The following CRBN variants were observed in gnomAD, a reference collection of about 807,000 sequenced individuals.
CRBN encodes cereblon.
A neutral mutation model predicts 62.2 loss-of-function variants in CRBN; 53 were observed. That is an observed-to-expected ratio of 0.85 (90% CI 0.68 to 1.07). CRBN has a LOEUF of 1.07. Ranked by LOEUF, CRBN falls within the 50% of genes least tolerant of loss-of-function variation. The pLI is 0.00. For missense variants in CRBN, 616 were observed against 531.1 expected (o/e 1.16, Z -1.57); for synonymous variants, 208 against 176.1 (o/e 1.18, Z -1.43).
chr3:3,179,656 G>A lies in CRBN; in HGVS notation c.32C>T (p.Ala11Val), dbSNP rs866123640. Reference protein sequence around the residue: MAGEGDQQDAAHNMGNHLPLL... With the variant: MAGEGDQQDAVHNMGNHLPLL... ...CGGCAGGTGGTTGCCCATGTTGTGC[G>A]CAGCGTCCTGCTGATCTCCTTCGCC... The change falls in exon 1 of 11, where the codon GCG becomes GTG. Residue 11 changes from alanine to valine, a missense_variant. Physicochemically the swap from Ala to Val is moderately conservative, Grantham distance 64 (BLOSUM62 0). Coordinates refer to ENST00000231948, the MANE Select transcript of CRBN (RefSeq NM_016302.4). The A allele has an allele frequency of 1.2e-6, 2 of 1,613,004 alleles. No homozygotes were observed. The highest frequency in any genetic ancestry group is 1.3e-5 in the African/African-American group (1 of 74,918).
intron 1 of CRBN, among the ~76,000 whole-genome samples, chr3:3,178,733 ATT>A (rs1446711960): frequency 1.3e-5 from 2 of 152,140 alleles, no homozygotes; most frequent in Non-Finnish European, 2.9e-5. Context: ...CAATTATCAG[ATT>A]GTGTATTACC....
intron 5 of CRBN, among the ~76,000 whole-genome samples, chr3:3,162,040 A>G (rs1469732496): frequency 6.6e-6 from 1 of 152,232 alleles, no homozygotes; most frequent in East Asian, 1.9e-4. Context: ...ATTACGTATG[A>G]GACCCCTGCC....
At chr3:3,175,801 C>A (rs896786895) in intron 1 of CRBN, among the ~76,000 whole-genome samples, 2 of 152,136 alleles carry the variant, frequency 1.3e-5, no homozygotes, top group African/African-American at 4.8e-5. Context: ...TATCCCTCAA[C>A]TGGGTTTTGT....
Position 3,174,065 on chromosome 3 carries a change from G to T in CRBN, c.371C>A (p.Ala124Glu). ...IQKDRTFAVLAYSNVQEREAQ... is the reference protein window; with the variant it reads ...IQKDRTFAVLEYSNVQEREAQ... ...ATGGACTCTAATATTTTACCTGTAT[G>T]CAAGAACAGCAAAGGTTCTATCTTT... The change falls in exon 3 of 11, where the codon GCA becomes GAA. Residue 124 changes from alanine (A) to glutamate (E), a missense_variant. By Grantham distance (107) the Ala-to-Glu change is moderately radical. Transcript: ENST00000231948. The T allele has an allele frequency of 6.2e-7, 1 of 1,613,562 alleles. No individual in the cohort carries two copies. The highest frequency in any genetic ancestry group is 8.5e-7 in the Non-Finnish European group (1 of 1,179,522).
At chr3:3,159,544 C>T (rs1707051348) in intron 5 of CRBN, among the ~76,000 whole-genome samples, 1 of 152,216 alleles carries the variant, frequency 6.6e-6, no homozygotes, top group Admixed American at 6.5e-5. Context: ...ATGTGGCACA[C>T]TAGCATATTA....
rs1707990695 is a variant in CRBN at position 3,179,650 on chromosome 3, T to G, written c.38A>C (p.Asn13Thr). 1 of 1,613,250 alleles carries G rather than the reference T, an allele frequency of 6.2e-7. No homozygotes were observed. Among genetic ancestry groups the G allele is most frequent in the Non-Finnish European group, 8.5e-7 (1 of 1,179,650 alleles). ...CAGGAGCGGCAGGTGGTTGCCCATGTTGTGCGCAGCGTCCTGCTGATCTCC... is the reference window on the plus strand; with the variant it reads ...CAGGAGCGGCAGGTGGTTGCCCATGGTGTGCGCAGCGTCCTGCTGATCTCC... ...GEGDQQDAAH[N>T]MGNHLPLLPA... The change falls in exon 1 of 11, where the codon AAC (asparagine) becomes ACC (threonine). Residue 13 changes from asparagine (N) to threonine (T), a missense_variant. Coordinates refer to ENST00000231948, the MANE Select transcript of CRBN (RefSeq NM_016302.4).
rs1454979743 is a variant in CRBN at position 3,154,013 on chromosome 3, TAAG to T, written c.895_897del (p.Leu299del). 2 of 1,613,820 alleles carry T rather than the reference TAAG, an allele frequency of 1.2e-6. No homozygotes were observed. The highest frequency in any genetic ancestry group is 1.3e-5 in the African/African-American group (1 of 75,036). Reference sequence around the variant, plus strand: ...AGTCGCTGGATAGCACTGCCAATTTTAAGGAGCTGAATTCTCAATACATCATCA... The same window carrying T: ...AGTCGCTGGATAGCACTGCCAATTTTGAGCTGAATTCTCAATACATCATCA... On this transcript the variant is annotated inframe_deletion, in exon 8 of 11. Coordinates refer to ENST00000231948, the MANE Select transcript of CRBN (RefSeq NM_016302.4).
At chr3:3,153,533 T>A in intron 8 of CRBN, 45 bp from the exon 9 acceptor site, 1 of 1,040,242 alleles carries the variant, frequency 9.6e-7, no homozygotes, top group Non-Finnish European at 1.5e-6. Context: ...AAACTGGCAT[T>A]CACTTTATCA....
At position 3,174,221 on chromosome 3, in the gene CRBN, A is replaced by T; in HGVS notation, c.215T>A (p.Leu72Ter). ...CACCTGACAGCTGTCGTCATCGTGC[A>T]AAGTCCTGCCATGAAATTCTTCCAT... Reference protein sequence around the residue: ...ADMEEFHGRTLHDDDSCQVIP... With the variant: ...ADMEEFHGRT The change falls in exon 3 of 11, where the codon TTG becomes TAG. Residue 72 changes from leucine (L) to a stop codon, truncating the protein, a stop_gained. Coordinates refer to ENST00000231948, the MANE Select transcript of CRBN (RefSeq NM_016302.4). LOFTEE classifies it high-confidence loss of function. 3 of 1,614,212 alleles carry T rather than the reference A, an allele frequency of 1.9e-6. No individual in the cohort carries two copies. The highest frequency in any genetic ancestry group is 2.5e-6 in the Non-Finnish European group (3 of 1,180,026).
At chr3:3,174,346 T>A in intron 2 of CRBN, 85 bp from the exon 3 acceptor site, 1 of 1,104,566 alleles carries the variant, frequency 9.1e-7, no homozygotes. Flanking sequence ...CAAATCACAT[T>A]AAAAGAAATA....
intron 9 of CRBN, among the ~76,000 whole-genome samples, 185 bp from the exon 10 acceptor site, chr3:3,152,772 C>A (rs1296706483): frequency 1.3e-5 from 2 of 152,074 alleles, no homozygotes; most frequent in Non-Finnish European, 2.9e-5. Context: ...GGCAGACAGG[C>A]CTGTTTTGTC....
intron 1 of CRBN, among the ~76,000 whole-genome samples, chr3:3,177,186 C>T (rs1367931971): frequency 2.0e-5 from 3 of 152,234 alleles, no homozygotes; most frequent in African/African-American, 7.2e-5. Flanking sequence ...ATTACTGAAT[C>T]TCATTTCTCA....
intron 10 of CRBN, among the ~76,000 whole-genome samples, chr3:3,151,863 A>G (rs1706580842): frequency 6.6e-6 from 1 of 152,218 alleles, no homozygotes; most frequent in African/African-American, 2.4e-5. Context: ...GAAAAGCAGG[A>G]TTCAATGGGT....
chr3:3,172,680 T>A (rs746366081), intron 4 of CRBN, 96 bp downstream of exon 4: 2 of 1,320,702 alleles, frequency 1.5e-6, no homozygotes, highest in Non-Finnish European at 2.2e-6. Flanking sequence ...AGTTAAAAGT[T>A]ACAAAATATG....
chr3:3,173,206 T>C (rs796296019), intron 3 of CRBN, among the ~76,000 whole-genome samples: 26 of 152,154 alleles, frequency 1.7e-4, no homozygotes, highest in African/African-American at 6.0e-4. Context: ...TACAGGCACA[T>C]ACCACCACGC....
chr3:3,153,129 C>A, intron 9 of CRBN: 1 of 358,080 alleles, frequency 2.8e-6, no homozygotes, highest in Non-Finnish European at 5.2e-6. Flanking sequence ...TATGTTAGGG[C>A]CTAATTGAAG....
At chr3:3,161,305 T>C (rs1707130658) in intron 5 of CRBN, among the ~76,000 whole-genome samples, 1 of 152,202 alleles carries the variant, frequency 6.6e-6, no homozygotes, top group Non-Finnish European at 1.5e-5. Context: ...AAACTGCTCT[T>C]ACAACAAAAT....
intron 7 of CRBN, 40 bp from the exon 8 acceptor site, chr3:3,154,115 A>AGAT: frequency 1.7e-6 from 2 of 1,181,846 alleles, no homozygotes; most frequent in East Asian, 4.7e-5. Context: ...CTTAGGAGTC[A>AGAT]GATAAGCATC....
At chr3:3,151,894 CA>C (rs1706583229) in intron 10 of CRBN, among the ~76,000 whole-genome samples, 1 of 152,182 alleles carries the variant, frequency 6.6e-6, no homozygotes, top group Non-Finnish European at 1.5e-5. Context: ...CTTAGTCTAT[CA>C]TTGCTTTGTA....
Sources: gnomAD v4.1 joint callset for allele counts (sites outside exome capture counted in the v4.1 genomes callset) on GRCh38, gnomAD v4.1.1 for gene constraint, MANE v1.5 for transcripts, NCBI Gene and HGNC (gene_info 2026-07-23, HGNC 2026-07-21) for gene names.